The following GIPR variants were observed in gnomAD, a reference collection of about 807,000 sequenced individuals.
GIPR encodes the protein GIP-R.
A neutral mutation model predicts 62.2 loss-of-function variants in GIPR; 74 were observed. That is an observed-to-expected ratio of 1.19 (90% CI 0.99 to 1.44). The LOEUF (loss-of-function observed/expected upper bound fraction) is 1.44, where lower values mean the gene tolerates loss of function less well. Among genes scored for constraint, GIPR ranks in the 40% most tolerant of loss-of-function variants. The pLI is 0.00. For synonymous variants in GIPR, 256 were observed against 262.2 expected, an observed-to-expected ratio of 0.98 and a Z score of 0.23; for missense variants, 664 against 611.8, an observed-to-expected ratio of 1.09 and a Z score of -0.90.
chr19:45,673,419 CAAAAAAAA>C (rs71175203), intron 5 of GIPR, among the ~76,000 whole-genome samples: 17 of 82,744 alleles, frequency 2.1e-4, no homozygotes, highest in African/African-American at 7.6e-4. Context: ...GACTCCATCT[CAAAAAAAA>C]AAAAAAAAAA....
chr19:45,668,676 C>T (rs1359934916), intron 1 of GIPR, among the ~76,000 whole-genome samples: 1 of 152,158 alleles, frequency 6.6e-6, no homozygotes, highest in East Asian at 1.9e-4. Flanking sequence ...GTTGTCTGTC[C>T]TTCTGAGGCT....
In GIPR at chr19:45,682,077, G is replaced by A. The variant is rs1316922171; in HGVS notation, c.*142G>A. 7 of 700,500 alleles carry A rather than the reference G, an allele frequency of 1.0e-5. 1 individual carries two copies. The allele number at this position is 700,500 out of a possible 1,614,324, so 43.4% of individuals were successfully genotyped here. On this transcript the variant is annotated 3_prime_UTR_variant, in exon 14 of 14. Transcript: ENST00000590918. ...GCCCTTCTGGAGATGACAACTGAGT[G>A]GGGAAAACAGACCGTGAACACAAAA...
chr19:45,680,234 T>A (rs1265251033), intron 12 of GIPR, among the ~76,000 whole-genome samples: 1 of 152,144 alleles, frequency 6.6e-6, no homozygotes, highest in Non-Finnish European at 1.5e-5. Context: ...AGGTGGCACG[T>A]GCCTGTAATC....
intron 12 of GIPR, among the ~76,000 whole-genome samples, chr19:45,679,615 T>A (rs1453550530): frequency 1.3e-5 from 2 of 152,068 alleles, no homozygotes; most frequent in African/African-American, 4.8e-5. Context: ...TATTTTTATT[T>A]TTTTAGAGAT....
At chr19:45,669,639 T>A in intron 2 of GIPR, 47 bp downstream of exon 2, 1 of 1,544,192 alleles carries the variant, frequency 6.5e-7, no homozygotes, top group Non-Finnish European at 8.7e-7. Context: ...GAGGGAGGTA[T>A]GGGGACGGTT....
rs1272857676 is a variant in GIPR at position 45,674,128 on chromosome 19, C to G, written c.439C>G (p.Leu147Val). The G allele has an allele frequency of 1.2e-6, 2 of 1,613,758 alleles. No individual in the cohort carries two copies. The highest frequency in any genetic ancestry group is 1.7e-6 in the Non-Finnish European group (2 of 1,179,756). The change falls in exon 6 of 14, where the codon CTG becomes GTG. Residue 147 changes from leucine (L) to valine (V), a missense_variant. Leu to Val is a conservative substitution (Grantham distance 32, BLOSUM62 1). Coordinates refer to ENST00000590918, the MANE Select transcript of GIPR (RefSeq NM_000164.4). ...GGTCATGTACACTGTCGGCTACTCC[C>G]TGTCTCTCGCCACACTGCTGCTAGC... is the stretch of plus-strand genomic sequence containing the variant. ...LQVMYTVGYS[L>V]SLATLLLALL...
In GIPR at chr19:45,674,786, G is replaced by T; in HGVS notation, c.593G>T (p.Gly198Val). The change falls in exon 7 of 14, where the codon GGC becomes GTC. Residue 198 changes from glycine (G) to valine (V), a missense_variant. Coordinates refer to ENST00000590918, the MANE Select transcript of GIPR (RefSeq NM_000164.4). ...CGAGACCGTCTGCTACCTCGACCTG[G>T]CCCCTACCTTGGGGACCAGGCCCTT... ...LSRDRLLPRP[G>V]PYLGDQALAL... 6.2e-7 allele frequency: 1 copy of T among 1,613,948 alleles called. No individual in the cohort carries two copies. The highest frequency in any genetic ancestry group is 1.1e-5 in the South Asian group (1 of 91,062).
chr19:45,671,069 C>T (rs565663277), intron 3 of GIPR, among the ~76,000 whole-genome samples: 9 of 149,692 alleles, frequency 6.0e-5, no homozygotes, highest in Admixed American at 6.6e-5. Flanking sequence ...AGAGTGGGGC[C>T]GGGAGGAGGG....
chr19:45,671,250 T>C (rs751327978), intron 3 of GIPR, 35 bp from the exon 4 acceptor site: 1 of 1,252,250 alleles, frequency 8.0e-7, no homozygotes, highest in Non-Finnish European at 1.2e-6. Flanking sequence ...GCGCAGTAGG[T>C]CCACTGGGCA....
rs1967277970 is a variant in GIPR, at chr19:45,682,073, G to A, written c.*138G>A. On this transcript the variant is annotated 3_prime_UTR_variant, in exon 14 of 14. Transcript: ENST00000590918. ...CCCTGCCCTTCTGGAGATGACAACT[G>A]AGTGGGGAAAACAGACCGTGAACAC... The A allele has an allele frequency of 2.8e-6, 2 of 726,864 alleles. No homozygotes were observed. Among genetic ancestry groups the A allele is most frequent in the Non-Finnish European group, 2.4e-6 (1 of 417,650 alleles). 45.0% of individuals were successfully genotyped at this position (726,864 alleles called of 1,614,324 possible).
At chr19:45,669,647 G>A in intron 2 of GIPR, 55 bp downstream of exon 2, 1 of 1,537,148 alleles carries the variant, frequency 6.5e-7, no homozygotes, top group African/African-American at 1.4e-5. Context: ...TATGGGGACG[G>A]TTTTAGGGCT....
In GIPR at chr19:45,678,240, G is replaced by T. The variant is rs1229834430; in HGVS notation, c.1152+14G>T. On this transcript the variant is annotated intron_variant, in intron 12 of 13. Transcript: ENST00000590918. ...AGCTCCTTCCAGGTGCTCAGGCAGG[G>T]TGCAGGGGCTCCATCCTTCCACCCA... is the stretch of plus-strand genomic sequence containing the variant. The T allele has an allele frequency of 3.2e-6, 5 of 1,551,510 alleles. No homozygotes were observed. In the South Asian group the frequency reaches 3.5e-5, roughly 11 times the overall value.
rs1600309856 is a variant in GIPR at position 45,677,792 on chromosome 19, C to T, written c.924+13C>T. The T allele has an allele frequency of 2.5e-6, 4 of 1,610,200 alleles. No homozygotes were observed. Among genetic ancestry groups the T allele is most frequent in the Non-Finnish European group, 3.4e-6 (4 of 1,176,494 alleles). On this transcript the variant is annotated intron_variant, in intron 10 of 13. Coordinates refer to ENST00000590918, the MANE Select transcript of GIPR (RefSeq NM_000164.4). ...CATGACCATCTTGGTAGGATCGGTC[C>T]CGCCTCCACCAGGCCGCCCTCAGGG...
rs1268894911 is a variant in GIPR, at chr19:45,681,730, T to C, written c.1196T>C (p.Val399Ala). Residue 399 changes from valine (V) to alanine (A), a missense_variant and splice_region_variant, in exon 14 of 14, where the codon GTG becomes GCG. Transcript: ENST00000590918. Reference sequence around the variant, plus strand: ...CCTCTGAGCGCCATCGTCTCACAGGTGCAGTCGGAGATCCGCCGTGGCTGG... The same window carrying C: ...CCTCTGAGCGCCATCGTCTCACAGGCGCAGTCGGAGATCCGCCGTGGCTGG... ...SVLYCFINKE[V>A]QSEIRRGWHH... 1 of 1,611,070 alleles carries C rather than the reference T, an allele frequency of 6.2e-7. No individual in the cohort carries two copies. Among genetic ancestry groups the C allele is most frequent in the Non-Finnish European group, 8.5e-7 (1 of 1,178,498 alleles).
chr19:45,681,246 G>T (rs1456351762), intron 12 of GIPR, among the ~76,000 whole-genome samples: 1 of 152,168 alleles, frequency 6.6e-6, no homozygotes, highest in East Asian at 1.9e-4. Context: ...TGTAATCTCA[G>T]CACTTTGAGA....
At position 45,678,728 on chromosome 19, in the gene GIPR, C is replaced by T. The variant is rs74720074; in HGVS notation, c.1152+502C>T. Among the ~76,000 whole-genome samples, 42 of 152,306 alleles carry T rather than the reference C, an allele frequency of 2.8e-4. No individual in the cohort carries two copies. The East Asian group carries it at 7.9e-3, about 29-fold the overall frequency. Reference sequence around the variant, plus strand: ...CTGGGCTGTGGGGAGCAGCAGGGACCAGGACAGGAGATTGGCGGCCCCAGC... The same window carrying T: ...CTGGGCTGTGGGGAGCAGCAGGGACTAGGACAGGAGATTGGCGGCCCCAGC... On this transcript the variant is annotated intron_variant, in intron 12 of 13. Transcript: ENST00000590918.
At chr19:45,674,411 C>G (rs1028104230) in intron 6 of GIPR, 2 of 637,338 alleles carry the variant, frequency 3.1e-6, no homozygotes, top group African/African-American at 1.8e-5. Context: ...AGTTTGAGAT[C>G]AGGCTGGGCA....
Position 45,670,654 on chromosome 19 carries a change from C to G in GIPR, c.92C>G (p.Thr31Arg), listed in dbSNP as rs769250990. 1.2e-6 allele frequency: 2 copies of G among 1,613,008 alleles called. No individual in the cohort carries two copies. Among genetic ancestry groups the G allele is most frequent in the South Asian group, 1.1e-5 (1 of 90,936 alleles). ...TCCTAGACAGGCTCTAAGGGGCAGA[C>G]GGCGGGGGAGCTGTACCAGCGCTGG... ...QRAETGSKGQ[T>R]AGELYQRWER... Residue 31 changes from threonine to arginine, a missense_variant, in exon 3 of 14, where the codon ACG becomes AGG. Physicochemically the swap from Thr to Arg is moderately conservative, Grantham distance 71. Coordinates refer to ENST00000590918, the MANE Select transcript of GIPR (RefSeq NM_000164.4).
chr19:45,674,081 G>A lies in GIPR; in HGVS notation c.392G>A (p.Arg131Lys). ...PEKNEAFLDQ[R>K]LILERLQVMY... ...CCTTCTTGCCCCGACCAGGACCAAA[G>A]GCTCATCTTGGAGCGGTTGCAGGTC... The change falls in exon 6 of 14, where the codon AGG becomes AAG. Residue 131 changes from arginine to lysine, a missense_variant. Arg to Lys is a conservative substitution (Grantham distance 26). Transcript: ENST00000590918. 1 of 1,608,074 alleles carries A rather than the reference G, an allele frequency of 6.2e-7. No individual in the cohort carries two copies. The highest frequency in any genetic ancestry group is 8.5e-7 in the Non-Finnish European group (1 of 1,174,534).
Sources: allele counts gnomAD v4.1 joint callset (sites outside exome capture counted in the v4.1 genomes callset), GRCh38; gene constraint gnomAD v4.1.1; transcripts MANE v1.5; gene names NCBI Gene and HGNC (gene_info 2026-07-23, HGNC 2026-07-21).